The following ADCY8 variants were observed in gnomAD, a reference collection of about 807,000 sequenced individuals.
ADCY8 encodes adenylate cyclase 8.
Under a neutral mutation model 119.7 loss-of-function variants are expected in ADCY8, and 51 were observed. The ratio of observed to expected loss-of-function variants is 0.43; its 90% CI spans 0.34 to 0.54. The LOEUF is 0.54. Ranked by LOEUF, ADCY8 falls within the 20% of genes least tolerant of loss-of-function variation. The probability of loss-of-function intolerance (pLI) is 0.03; values close to 1 mark genes in which losing one functional copy is unlikely to be tolerated. For synonymous variants in ADCY8, 665 were observed against 651.0 expected (o/e 1.02, Z -0.33); for missense variants, 1,383 against 1,598.8 (o/e 0.87, Z 2.30).
chr8:130,838,591 C>T (rs1394239107), intron 11 of ADCY8, among the ~76,000 whole-genome samples: 3 of 101,450 alleles, frequency 3.0e-5, no homozygotes, highest in Non-Finnish European at 7.7e-5. Flanking sequence ...TGTATCACAA[C>T]AAGGGGCGGT....
Position 130,956,276 on chromosome 8 carries a change from G to A in ADCY8, c.1111-4278C>T, listed in dbSNP as rs75513456. On this transcript the variant is annotated intron_variant, in intron 2 of 17. Transcript: ENST00000286355. ...GACACACTGTAGGATCCTATAGTGAGAGATAGTCTTGTCTATCCTCACATC... is the reference window on the plus strand; with the variant it reads ...GACACACTGTAGGATCCTATAGTGAAAGATAGTCTTGTCTATCCTCACATC... Among the ~76,000 whole-genome samples the A allele has an allele frequency of 1.7e-4, 26 of 152,358 alleles. No homozygotes were observed. In the East Asian group the frequency reaches 5.0e-3, roughly 29 times the overall value.
rs373637260 is a variant in ADCY8 at position 130,909,175 on chromosome 8, A to G, written c.1640+533T>C. On this transcript the variant is annotated intron_variant, in intron 6 of 17. Transcript: ENST00000286355. The stretch of plus-strand genomic sequence containing the variant: ...CTTGATACAACTTTTCAAGACTTAC[A>G]TTAGTTGCAGTGGCCTTTGCAGACC... 3.0e-4 allele frequency among the ~76,000 whole-genome samples: 45 copies of G among 152,190 alleles called. 1 individual carries two copies. The highest frequency in any genetic ancestry group is 9.6e-4 in the African/African-American group (40 of 41,460).
At chr8:130,886,833 C>G (rs1426311865) in intron 7 of ADCY8, among the ~76,000 whole-genome samples, 1 of 152,102 alleles carries the variant, frequency 6.6e-6, no homozygotes, top group Non-Finnish European at 1.5e-5. Context: ...GTCCCTTGTG[C>G]CTTCAGTGAC....
At chr8:130,952,627 A>T (rs1185678606) in intron 2 of ADCY8, among the ~76,000 whole-genome samples, 1 of 152,220 alleles carries the variant, frequency 6.6e-6, no homozygotes, top group African/African-American at 2.4e-5. Context: ...ACTAAATGGT[A>T]CTAAGCAGCA....
intron 1 of ADCY8, among the ~76,000 whole-genome samples, chr8:131,000,038 G>T (rs889319606): frequency 6.6e-6 from 1 of 152,194 alleles, no homozygotes; most frequent in Non-Finnish European, 1.5e-5. Flanking sequence ...ATTAAGTGCA[G>T]AACACTTTAC....
At chr8:130,862,488 CT>C (rs1400721949) in intron 9 of ADCY8, among the ~76,000 whole-genome samples, 1 of 152,168 alleles carries the variant, frequency 6.6e-6, no homozygotes, top group Non-Finnish European at 1.5e-5. Context: ...TCTTGGCTCT[CT>C]GCAAGCTCCG....
intron 1 of ADCY8, among the ~76,000 whole-genome samples, chr8:131,014,364 A>G (rs6470882): frequency 0.58 from 88,080 of 152,090 alleles, 26,831 homozygotes; most frequent in East Asian, 0.78. Context: ...CTTGTGACAC[A>G]TTAGGTAGTA....
Position 130,884,710 on chromosome 8 carries a change from C to A in ADCY8, c.1963G>T (p.Ala655Ser). 2 of 1,613,850 alleles carry A rather than the reference C, an allele frequency of 1.2e-6. No individual in the cohort carries two copies. Among genetic ancestry groups the A allele is most frequent in the Non-Finnish European group, 1.7e-6 (2 of 1,179,824 alleles). The change falls in exon 8 of 18, where the codon GCA (alanine) becomes TCA (serine). Residue 655 changes from alanine (A) to serine (S), a missense_variant. Transcript: ENST00000286355. ...NSINLLPNHL[A>S]QALHVQSGPE... ...CCAGACTGGACATGCAAAGCTTGTG[C>A]AAGATGGTTTGGAAGCAGATTTATT...
chr8:130,844,204 A>T (rs1475580708), intron 11 of ADCY8, among the ~76,000 whole-genome samples: 1 of 152,162 alleles, frequency 6.6e-6, no homozygotes, highest in Admixed American at 6.6e-5. Context: ...TGAGAACCAC[A>T]TCCAGATGTT....
chr8:130,848,260 A>G (rs1452440063), intron 10 of ADCY8, among the ~76,000 whole-genome samples: 1 of 152,194 alleles, frequency 6.6e-6, no homozygotes, highest in Non-Finnish European at 1.5e-5. Context: ...AGTTGGCCTC[A>G]GAGGTAACCC....
chr8:130,818,639 T>C (rs1816417060), intron 13 of ADCY8, among the ~76,000 whole-genome samples: 1 of 152,224 alleles, frequency 6.6e-6, no homozygotes, highest in Non-Finnish European at 1.5e-5. Context: ...TTAGCCCCTA[T>C]TAAAAATAGA....
At chr8:130,949,021 C>T (rs923109814) in intron 3 of ADCY8, among the ~76,000 whole-genome samples, 4 of 152,264 alleles carry the variant, frequency 2.6e-5, no homozygotes, top group Middle Eastern at 3.4e-3. Context: ...ATCAATTCTC[C>T]TCCCCCTAGT....
chr8:130,985,274 C>T (rs1822367270), intron 2 of ADCY8, among the ~76,000 whole-genome samples: 1 of 152,020 alleles, frequency 6.6e-6, no homozygotes, highest in Non-Finnish European at 1.5e-5. Context: ...ATGAAACTCT[C>T]ATGGAGGTGA....
chr8:130,936,760 A>ATC (rs979884759), intron 5 of ADCY8, among the ~76,000 whole-genome samples: 77 of 152,126 alleles, frequency 5.1e-4, no homozygotes, highest in African/African-American at 1.9e-3. Flanking sequence ...TCTTTCATTC[A>ATC]TCTCTCTCTC....
At chr8:130,986,137 G>C (rs998214416) in intron 2 of ADCY8, among the ~76,000 whole-genome samples, 1 of 152,166 alleles carries the variant, frequency 6.6e-6, no homozygotes, top group Non-Finnish European at 1.5e-5. Flanking sequence ...TCAAGATGTA[G>C]CTTCCAGATG....
At chr8:130,852,429 C>T (rs900364824) in intron 9 of ADCY8, among the ~76,000 whole-genome samples, 4 of 152,118 alleles carry the variant, frequency 2.6e-5, no homozygotes, top group Non-Finnish European at 1.5e-5. Context: ...TCCCTGACAA[C>T]ACACCATTAT....
rs767717652 is a variant in ADCY8, at chr8:130,884,778, T to G, written c.1912-17A>C. On this transcript the variant is annotated splice_polypyrimidine_tract_variant and intron_variant, in intron 7 of 17. Coordinates refer to ENST00000286355, the MANE Select transcript of ADCY8 (RefSeq NM_001115.3). ...AGCCAGAGTCTAGGGGGAAAGCACATGCAAACACAATAAACCTGCTAGTCC... is the reference window on the plus strand; with the variant it reads ...AGCCAGAGTCTAGGGGGAAAGCACAGGCAAACACAATAAACCTGCTAGTCC... 11 of 1,612,534 alleles carry G rather than the reference T, an allele frequency of 6.8e-6. No homozygotes were observed. Among genetic ancestry groups the G allele is most frequent in the Non-Finnish European group, 8.5e-6 (10 of 1,178,780 alleles).
At chr8:130,959,854 G>C (rs895577257) in intron 2 of ADCY8, among the ~76,000 whole-genome samples, 1 of 152,084 alleles carries the variant, frequency 6.6e-6, no homozygotes, top group Non-Finnish European at 1.5e-5. Flanking sequence ...CAGTGGAGTA[G>C]AGTGGCGTGA....
intron 1 of ADCY8, among the ~76,000 whole-genome samples, chr8:130,992,406 T>TGCCTGGC (rs1563759069): frequency 9.6e-5 from 3 of 31,220 alleles, no homozygotes; most frequent in African/African-American, 3.8e-4. Context: ...TATATATATA[T>TGCCTGGC]ATATATATAT....
Sources: gnomAD v4.1 joint callset for allele counts (sites outside exome capture counted in the v4.1 genomes callset) on GRCh38, gnomAD v4.1.1 for gene constraint, MANE v1.5 for transcripts, NCBI Gene and HGNC (gene_info 2026-07-23, HGNC 2026-07-21) for gene names.